DOCK10: variants seen among roughly 807,000 people sequenced by gnomAD.
The protein encoded by DOCK10 is dedicator of cytokinesis 10.
Under a neutral mutation model 280.1 loss-of-function variants are expected in DOCK10, and 145 were observed. That is an observed-to-expected ratio of 0.52 (90% CI 0.45 to 0.59). DOCK10 has a LOEUF of 0.59. Among genes scored for constraint, DOCK10 ranks in the 20% least tolerant of loss-of-function variants. The pLI, the probability that DOCK10 is intolerant of heterozygous loss-of-function variation, is 0.00. For synonymous variants in DOCK10, 915 were observed against 942.2 expected (o/e 0.97, Z 0.53); for missense variants, 2,368 against 2,651.7 (o/e 0.89, Z 2.35).
At chr2:224,840,353 A>G (rs779578206) in intron 23 of DOCK10, 20 of 240,496 alleles carry the variant, frequency 8.3e-5, no homozygotes, top group South Asian at 1.3e-4. Flanking sequence ...ATATTTGCAA[A>G]CCATACATCT....
At chr2:225,036,135 T>C (rs907638756) in intron 1 of DOCK10, among the ~76,000 whole-genome samples, 1 of 152,226 alleles carries the variant, frequency 6.6e-6, no homozygotes, top group Admixed American at 6.5e-5. Context: ...GTTTAGGGTA[T>C]GAAGTCTCAC....
At chr2:224,869,202 C>T (rs1162186578) in intron 11 of DOCK10, among the ~76,000 whole-genome samples, 1 of 152,110 alleles carries the variant, frequency 6.6e-6, no homozygotes, top group Non-Finnish European at 1.5e-5. Context: ...TTTATTAGTT[C>T]AGATTTTTGG....
intron 50 of DOCK10, among the ~76,000 whole-genome samples, chr2:224,782,974 G>A (rs934154848): frequency 5.9e-5 from 9 of 152,292 alleles, no homozygotes; most frequent in East Asian, 3.9e-4. Flanking sequence ...TTCTGTACAC[G>A]TTCGGGGGAA....
intron 18 of DOCK10, 70 bp downstream of exon 18, chr2:224,852,307 G>A: frequency 3.3e-6 from 4 of 1,206,118 alleles, no homozygotes; most frequent in South Asian, 1.3e-5. Flanking sequence ...AAAAAGCCCT[G>A]CAATGGTGGA....
chr2:224,906,787 C>A (rs1378719160), intron 3 of DOCK10, among the ~76,000 whole-genome samples: 4 of 152,148 alleles, frequency 2.6e-5, no homozygotes, highest in African/African-American at 9.6e-5. Flanking sequence ...CCTTGTTTAT[C>A]TTAAAGTAGT....
rs536206221 is a variant in DOCK10, at chr2:224,775,506, T to C, written c.5803-391A>G. 2.0e-5 allele frequency among the ~76,000 whole-genome samples: 3 copies of C among 152,288 alleles called. No homozygotes were observed. The South Asian group carries it at 6.2e-4, about 32-fold the overall frequency. ...ATTATTATTTTTTGAGACAGGGTCT[T>C]GCTCTGTCTCCTAGGCTGGAGTGCA... On this transcript the variant is annotated intron_variant, in intron 51 of 55. Coordinates refer to ENST00000258390, the MANE Select transcript of DOCK10 (RefSeq NM_014689.3).
At chr2:225,008,737 C>T (rs1369281101) in intron 1 of DOCK10, among the ~76,000 whole-genome samples, 1 of 152,178 alleles carries the variant, frequency 6.6e-6, no homozygotes, top group Non-Finnish European at 1.5e-5. Flanking sequence ...GGGGCAAGTA[C>T]TACCTGTAAT....
intron 2 of DOCK10, among the ~76,000 whole-genome samples, chr2:224,928,113 G>A (rs1300228971): frequency 1.3e-5 from 2 of 152,134 alleles, no homozygotes; most frequent in East Asian, 1.9e-4. Context: ...CTGTTGGTGC[G>A]CCACGTCCCT....
chr2:224,956,431 T>C (rs111886469), intron 1 of DOCK10, among the ~76,000 whole-genome samples: 4 of 151,736 alleles, frequency 2.6e-5, no homozygotes, highest in Non-Finnish European at 5.9e-5. Flanking sequence ...CGAGACCAGA[T>C]TGGCCAACAT....
chr2:224,851,047 C>T (rs926586269), intron 18 of DOCK10, among the ~76,000 whole-genome samples: 5 of 152,182 alleles, frequency 3.3e-5, no homozygotes, highest in Non-Finnish European at 5.9e-5. Flanking sequence ...GCTCCTGATA[C>T]GCCAGCTTCC....
chr2:224,817,804 G>A (rs1694232799), intron 29 of DOCK10, among the ~76,000 whole-genome samples: 1 of 152,174 alleles, frequency 6.6e-6, no homozygotes, highest in African/African-American at 2.4e-5. Flanking sequence ...AATCTCCACT[G>A]CACCCCATCT....
chr2:224,886,677 C>A (rs1245218707), intron 4 of DOCK10, 146 bp from the exon 5 acceptor site: 5 of 646,346 alleles, frequency 7.7e-6, no homozygotes, highest in Non-Finnish European at 1.0e-5. Context: ...TGTCTCATTT[C>A]CTTTGAAAGT....
chr2:224,887,948 CT>C (rs1386604253), intron 4 of DOCK10, among the ~76,000 whole-genome samples: 1 of 152,124 alleles, frequency 6.6e-6, no homozygotes, highest in African/African-American at 2.4e-5. Context: ...CCTCTCACCC[CT>C]GGTAACTGTT....
chr2:224,947,707 C>T (rs1703505434), intron 1 of DOCK10, among the ~76,000 whole-genome samples: 1 of 152,126 alleles, frequency 6.6e-6, no homozygotes, highest in African/African-American at 2.4e-5. Flanking sequence ...CCCTCAAACC[C>T]ACCCAGATGC....
Position 224,800,228 on chromosome 2 carries a change from C to A in DOCK10, c.4429G>T (p.Asp1477Tyr). 6.2e-7 allele frequency: 1 copy of A among 1,611,560 alleles called. No individual in the cohort carries two copies. Among genetic ancestry groups the A allele is most frequent in the Non-Finnish European group, 8.5e-7 (1 of 1,178,496 alleles). Residue 1477 changes from aspartate to tyrosine, a missense_variant, in exon 41 of 56, where the codon GAC becomes TAC. Asp to Tyr is a radical substitution (Grantham distance 160). Around this residue, in one of 2 missense-constraint regions of DOCK10, gnomAD observed 1,159 missense variants for 1,400.8 expected, o/e 0.83. Coordinates refer to ENST00000258390, the MANE Select transcript of DOCK10 (RefSeq NM_014689.3). ...SNEIDIVHHVDTEANIATEVC... is the reference protein window; with the variant it reads ...SNEIDIVHHVYTEANIATEVC... ...TCCGTAGCTATATTGGCCTCAGTGT[C>A]TACATGATGCACGATGTCTATTTCA...
At chr2:225,013,357 G>A (rs533356551) in intron 1 of DOCK10, among the ~76,000 whole-genome samples, 1 of 152,232 alleles carries the variant, frequency 6.6e-6, no homozygotes, top group Non-Finnish European at 1.5e-5. Context: ...TACATCCACT[G>A]GTGCTTGTAT....
intron 27 of DOCK10, among the ~76,000 whole-genome samples, chr2:224,827,989 C>A (rs1015598911): frequency 6.6e-6 from 1 of 152,110 alleles, no homozygotes; most frequent in Non-Finnish European, 1.5e-5. Flanking sequence ...AAGTTTAATT[C>A]CTCCCTATTA....
At chr2:224,955,676 G>T (rs1488122166) in intron 1 of DOCK10, among the ~76,000 whole-genome samples, 1 of 152,196 alleles carries the variant, frequency 6.6e-6, no homozygotes, top group African/African-American at 2.4e-5. Flanking sequence ...TCTTGGGTTT[G>T]CAATCAAGAA....
chr2:224,859,508 G>A (rs1036175274), intron 14 of DOCK10, among the ~76,000 whole-genome samples: 1 of 152,146 alleles, frequency 6.6e-6, no homozygotes, highest in African/African-American at 2.4e-5. Flanking sequence ...CCTTTTCACT[G>A]TAAAATGGTA....
Sources: allele counts gnomAD v4.1 joint callset (sites outside exome capture counted in the v4.1 genomes callset), GRCh38; gene constraint gnomAD v4.1.1; regional missense constraint gnomAD v4.1.1; transcripts MANE v1.5; gene names NCBI Gene and HGNC (gene_info 2026-07-23, HGNC 2026-07-21).